Variants in TUBD1 observed in about 807,000 individuals in gnomAD.
TUBD1 encodes the protein tubulin delta 1.
In TUBD1, 38 loss-of-function variants were observed where a neutral mutation model predicts 51.2. The observed-to-expected ratio is 0.74, with a 90% CI of 0.57 to 0.97. The LOEUF (loss-of-function observed/expected upper bound fraction) is 0.97. Among genes scored for constraint, TUBD1 ranks in the 50% least tolerant of loss-of-function variants. The pLI, the probability that TUBD1 is intolerant of heterozygous loss-of-function variation, is 0.00. For synonymous variants in TUBD1, 169 were observed against 178.2 expected (o/e 0.95, Z 0.41); for missense variants, 489 against 538.4 (o/e 0.91, Z 0.91).
intron 3 of TUBD1, among the ~76,000 whole-genome samples, chr17:59,881,645 A>G (rs910011466): frequency 6.6e-6 from 1 of 151,538 alleles, no homozygotes; most frequent in Non-Finnish European, 1.5e-5. Flanking sequence ...TATTTTTTCT[A>G]TGTGTTGGGA....
intron 8 of TUBD1, among the ~76,000 whole-genome samples, chr17:59,861,833 G>GTATTTTT (rs2039461095): frequency 6.7e-6 from 1 of 149,824 alleles, no homozygotes. Flanking sequence ...ACGCCCAGCT[G>GTATTTTT]TTTTTTGTGT....
chr17:59,883,904 C>T (rs2040597770), intron 3 of TUBD1, among the ~76,000 whole-genome samples: 1 of 152,054 alleles, frequency 6.6e-6, no homozygotes, highest in Non-Finnish European at 1.5e-5. Context: ...GGTAGTTCTA[C>T]AAGTTTATGA....
intron 6 of TUBD1, among the ~76,000 whole-genome samples, chr17:59,867,256 A>C (rs2039750135): frequency 6.6e-6 from 1 of 151,870 alleles, no homozygotes; most frequent in South Asian, 2.1e-4. Flanking sequence ...CTGCAGCCTC[A>C]AACTCCTGGG....
At chr17:59,878,426 G>A (rs1018047957) in intron 4 of TUBD1, 92 bp from the exon 5 acceptor site, 7 of 874,688 alleles carry the variant, frequency 8.0e-6, no homozygotes, top group South Asian at 1.6e-5. Flanking sequence ...GTTCAAATCC[G>A]GGCTCTGTCA....
In TUBD1 at chr17:59,860,220, G is replaced by A. The variant is rs1449713575; in HGVS notation, c.*102C>T. ...TCTGGTAGAGACGGTGTTTCACCGTGTTAGCCAGGATGGAGAACTTTGAAA... is the reference window on the plus strand; with the variant it reads ...TCTGGTAGAGACGGTGTTTCACCGTATTAGCCAGGATGGAGAACTTTGAAA... On this transcript the variant is annotated 3_prime_UTR_variant, in exon 9 of 9. Coordinates refer to ENST00000325752, the MANE Select transcript of TUBD1 (RefSeq NM_016261.4). 1.1e-6 allele frequency: 1 copy of A among 877,920 alleles called. No homozygotes were observed. 54.4% of individuals were successfully genotyped at this position (877,920 alleles called of 1,614,324 possible). A position where few individuals can be genotyped will look rare whatever the true frequency, so the allele number is the denominator to read the frequency against.
rs905664515 is a variant in TUBD1, at chr17:59,878,292, A to G, written c.580T>C (p.Leu194=). The change falls in exon 5 of 9, where the codon TTG becomes CTG. Residue 194 remains leucine (L), a synonymous_variant. Transcript: ENST00000325752. ...NYNSILTLSH[L]YRSSDALLLH... ...AGGAGGGCGTCTGAAGATCGGTACA[A>G]GTGAGAAAGTGTCAAAATGGAGTTG... 6.2e-7 allele frequency: 1 copy of G among 1,613,952 alleles called. No homozygotes were observed. The highest frequency in any genetic ancestry group is 1.3e-5 in the African/African-American group (1 of 74,910).
chr17:59,870,893 C>T (rs1014700726), intron 6 of TUBD1, among the ~76,000 whole-genome samples: 6 of 152,310 alleles, frequency 3.9e-5, no homozygotes, highest in African/African-American at 1.4e-4. Context: ...CCGTTCCAGG[C>T]TCCAAAGATG....
intron 5 of TUBD1, among the ~76,000 whole-genome samples, chr17:59,876,241 C>T (rs1187988673): frequency 1.3e-5 from 2 of 151,426 alleles, no homozygotes; most frequent in Admixed American, 6.6e-5. Context: ...TGTGCAGTGG[C>T]GCAATCAAAG....
At chr17:59,870,372 C>CAAAAAAAAAAAA (rs530315478) in intron 6 of TUBD1, among the ~76,000 whole-genome samples, 2 of 77,964 alleles carry the variant, frequency 2.6e-5, no homozygotes, top group Admixed American at 1.5e-4. Context: ...CTCCATCTCA[C>CAAAAAAAAAAAA]AAAAAAAAAA....
chr17:59,885,507 C>T (rs2040682529), intron 3 of TUBD1: 7 of 1,580,980 alleles, frequency 4.4e-6, no homozygotes, highest in Admixed American at 1.7e-5. Context: ...TGGAACGAGG[C>T]GGTGATCCCT....
At chr17:59,892,622 C>G (rs2041169324) in intron 1 of TUBD1, 75 bp downstream of exon 1, 1 of 153,190 alleles carries the variant, frequency 6.5e-6, no homozygotes, top group Admixed American at 6.5e-5. Context: ...GGCCACAGAA[C>G]TAGTAAAGAG....
chr17:59,882,310 G>A (rs1425421847), intron 3 of TUBD1, among the ~76,000 whole-genome samples: 1 of 152,024 alleles, frequency 6.6e-6, no homozygotes, highest in Non-Finnish European at 1.5e-5. Flanking sequence ...TTGAGGCGGA[G>A]TCTCGCTCTG....
intron 8 of TUBD1, among the ~76,000 whole-genome samples, chr17:59,862,153 G>A (rs1281983368): frequency 6.6e-6 from 1 of 151,090 alleles, no homozygotes; most frequent in Non-Finnish European, 1.5e-5. Flanking sequence ...GAGAAACCCT[G>A]TCTCTACTAA....
chr17:59,871,209 T>A (rs759529823), intron 6 of TUBD1, among the ~76,000 whole-genome samples: 2 of 152,174 alleles, frequency 1.3e-5, no homozygotes, highest in African/African-American at 4.8e-5. Context: ...TATTTATTTA[T>A]TTTTGAGACA....
chr17:59,886,347 G>C (rs907887695), intron 2 of TUBD1, 117 bp from the exon 3 acceptor site: 4 of 1,065,024 alleles, frequency 3.8e-6, no homozygotes, highest in Non-Finnish European at 5.3e-6. Flanking sequence ...AATTCCAGGG[G>C]TTGTGGTTAG....
intron 6 of TUBD1, among the ~76,000 whole-genome samples, chr17:59,869,410 G>A (rs374766702): frequency 4.3e-4 from 66 of 151,762 alleles, no homozygotes; most frequent in Admixed American, 3.9e-3. Flanking sequence ...GGGAGGCAGC[G>A]GTTGCAGTGA....
intron 8 of TUBD1, among the ~76,000 whole-genome samples, 185 bp from the exon 9 acceptor site, chr17:59,860,609 CAG>C (rs1381825744): frequency 1.3e-5 from 2 of 150,144 alleles, no homozygotes; most frequent in East Asian, 1.9e-4. Context: ...TTTTTTGAGA[CAG>C]AGTCTTGCTC....
intron 6 of TUBD1, among the ~76,000 whole-genome samples, chr17:59,869,758 G>T (rs908533673): frequency 1.3e-5 from 2 of 152,130 alleles, no homozygotes; most frequent in African/African-American, 4.8e-5. Flanking sequence ...ACAAATAAAT[G>T]TTGAGAAAAT....
At chr17:59,874,806 T>C in intron 5 of TUBD1, 103 bp from the exon 6 acceptor site, 1 of 913,996 alleles carries the variant, frequency 1.1e-6, no homozygotes, top group South Asian at 1.5e-5. Context: ...CAAATGTTTT[T>C]TCTCTTCTCA....
Sources: gnomAD v4.1 joint callset for allele counts (sites outside exome capture counted in the v4.1 genomes callset) on GRCh38, gnomAD v4.1.1 for gene constraint, MANE v1.5 for transcripts, NCBI Gene and HGNC (gene_info 2026-07-23, HGNC 2026-07-21) for gene names.